TSNARE1: variants seen among roughly 807,000 people sequenced by gnomAD.
TSNARE1 encodes the protein t-SNARE domain-containing protein 1.
A neutral mutation model predicts 62.0 loss-of-function variants in TSNARE1; 49 were observed. That is an observed-to-expected ratio of 0.79 (90% CI 0.63 to 1.00). The LOEUF is 1.00. TSNARE1 is among the 50% of genes least tolerant of loss of function. The probability of loss-of-function intolerance (pLI) is 0.00; values close to 1 mark genes in which losing one functional copy is unlikely to be tolerated. For missense variants in TSNARE1, 755 were observed against 700.1 expected, an observed-to-expected ratio of 1.08 and a Z score of -0.88; for synonymous variants, 328 against 294.4, an observed-to-expected ratio of 1.11 and a Z score of -1.17.
Position 142,284,351 on chromosome 8 carries a change from C to G in TSNARE1, c.1363+62G>C, listed in dbSNP as rs1822318659. On this transcript the variant is annotated intron_variant, in intron 11 of 13. Transcript: ENST00000524325. ...CCACCCTTAGGTGAAGGGGTGAGGG[C>G]TGGGGGCTGGCAGGCAGGCCCTCGG... is the stretch of plus-strand genomic sequence containing the variant. 11 of 1,386,146 alleles carry G rather than the reference C, an allele frequency of 7.9e-6. No individual in the cohort carries two copies. The South Asian group carries it at 9.2e-5, about 12-fold the overall frequency. 85.9% of individuals were successfully genotyped at this position (1,386,146 alleles called of 1,614,324 possible). A position where few individuals can be genotyped will look rare whatever the true frequency, so the allele number is the denominator to read the frequency against.
At position 142,393,876 on chromosome 8, in the gene TSNARE1, G is replaced by T. The variant is rs1019487543; in HGVS notation, c.-40+9228C>A. Among the ~76,000 whole-genome samples the T allele has an allele frequency of 3.9e-5, 6 of 152,186 alleles. No individual in the cohort carries two copies. The South Asian group carries it at 1.0e-3, about 26-fold the overall frequency. ...GAGACTTCCAGTTCTCCTCCCTCGG[G>T]GAGTGTGGGGCACTTCCTGGCCTCT... On this transcript the variant is annotated intron_variant, in intron 1 of 13. Transcript: ENST00000524325.
intron 4 of TSNARE1, 149 bp from the exon 5 acceptor site, chr8:142,331,980 G>T: frequency 1.4e-6 from 1 of 722,490 alleles, no homozygotes; most frequent in South Asian, 1.6e-5. Flanking sequence ...TTGCGGCTTG[G>T]CCACCCTGGA....
chr8:142,241,732 T>G (rs1817674945), intron 12 of TSNARE1, among the ~76,000 whole-genome samples: 2 of 152,206 alleles, frequency 1.3e-5, no homozygotes, highest in South Asian at 4.1e-4. Context: ...TTGGCAAAGT[T>G]GTCACCAATA....
At chr8:142,263,759 AT>A (rs1290490685) in intron 12 of TSNARE1, among the ~76,000 whole-genome samples, 2 of 152,170 alleles carry the variant, frequency 1.3e-5, no homozygotes, top group Non-Finnish European at 2.9e-5. Flanking sequence ...GAGTTTCCCC[AT>A]GTGTTGGCAT....
Position 142,300,492 on chromosome 8 carries a change from C to G in TSNARE1, c.1284G>C (p.Gln428His). Residue 428 changes from glutamine to histidine, a missense_variant, in exon 10 of 14, where the codon CAG becomes CAC. Physicochemically the swap from Gln to His is conservative, Grantham distance 24. Coordinates refer to ENST00000524325, the MANE Select transcript of TSNARE1 (RefSeq NM_145003.5). ...AIRLREEAIL[Q>H]MESNLLDVNQ... ...TTGCCCACGCCAGCCTCACCTCCAT[C>G]TGCAGGATGGCCTCCTCCCGCAGCC... 6.2e-7 allele frequency: 1 copy of G among 1,603,052 alleles called. No homozygotes were observed. Among genetic ancestry groups the G allele is most frequent in the Non-Finnish European group, 8.5e-7 (1 of 1,178,282 alleles).
At chr8:142,216,965 C>A (rs558532950) in intron 13 of TSNARE1, among the ~76,000 whole-genome samples, 2 of 152,196 alleles carry the variant, frequency 1.3e-5, no homozygotes, top group Middle Eastern at 6.8e-3. Flanking sequence ...GCCTAAGGAC[C>A]GGGCGCGGTG....
intron 1 of TSNARE1, among the ~76,000 whole-genome samples, chr8:142,357,814 C>T (rs930562998): frequency 6.6e-6 from 1 of 152,166 alleles, no homozygotes; most frequent in Non-Finnish European, 1.5e-5. Flanking sequence ...AGAGAAGCCA[C>T]CACGGAGAGA....
chr8:142,322,350 C>T (rs538195225), intron 6 of TSNARE1, among the ~76,000 whole-genome samples: 2 of 152,154 alleles, frequency 1.3e-5, no homozygotes, highest in African/African-American at 2.4e-5. Flanking sequence ...AATGCTTCCC[C>T]GTAAGATGGG....
intron 1 of TSNARE1, among the ~76,000 whole-genome samples, chr8:142,396,879 C>T (rs1169387916): frequency 1.3e-5 from 2 of 152,212 alleles, no homozygotes; most frequent in African/African-American, 4.8e-5. Context: ...GACAGCCTGA[C>T]GCTCAGGTCT....
At chr8:142,349,958 C>CCAGGGCAGG (rs980738672) in intron 2 of TSNARE1, among the ~76,000 whole-genome samples, 1 of 145,770 alleles carries the variant, frequency 6.9e-6, no homozygotes, top group Non-Finnish European at 1.5e-5. Flanking sequence ...AGGGCTGGGA[C>CCAGGGCAGG]CAGGGCAGGC....
At chr8:142,311,290 GT>G (rs58755110) in intron 9 of TSNARE1, among the ~76,000 whole-genome samples, 12,357 of 57,488 alleles carry the variant, frequency 0.21, 674 homozygotes, top group South Asian at 0.27. Flanking sequence ...AGCCTCTCTA[GT>G]TTTTTTTTTT....
intron 6 of TSNARE1, among the ~76,000 whole-genome samples, chr8:142,320,038 A>G (rs1829243699): frequency 6.6e-6 from 1 of 152,028 alleles, no homozygotes; most frequent in African/African-American, 2.4e-5. Context: ...GCAGAAGCAG[A>G]GTGCCCCTCA....
chr8:142,222,591 C>T (rs1816400758), intron 13 of TSNARE1, among the ~76,000 whole-genome samples: 1 of 133,946 alleles, frequency 7.5e-6, no homozygotes, highest in Non-Finnish European at 1.6e-5. Context: ...CATTCACTCA[C>T]TCATTCATCC....
In TSNARE1 at chr8:142,345,797, C is replaced by T. The variant is rs780407686; in HGVS notation, c.184G>A (p.Glu62Lys). 4 of 1,613,954 alleles carry T rather than the reference C, an allele frequency of 2.5e-6. No individual in the cohort carries two copies. Among genetic ancestry groups the T allele is most frequent in the Non-Finnish European group, 1.7e-6 (2 of 1,179,904 alleles). Reference protein sequence around the residue: ...LQNRCVGKDGEGDLGPAGTPI... With the variant: ...LQNRCVGKDGKGDLGPAGTPI... The stretch of plus-strand genomic sequence containing the variant: ...GTGCCTGCTGGCCCCAGATCACCTT[C>T]CCCGTCCTTCCCCACACAGCGGTTC... Residue 62 changes from glutamate to lysine, a missense_variant, in exon 3 of 14, where the codon GAA becomes AAA. Coordinates refer to ENST00000524325, the MANE Select transcript of TSNARE1 (RefSeq NM_145003.5).
chr8:142,289,628 C>T (rs1224066401), intron 10 of TSNARE1, among the ~76,000 whole-genome samples: 1 of 152,168 alleles, frequency 6.6e-6, no homozygotes, highest in East Asian at 1.9e-4. Flanking sequence ...GCACTAGAGG[C>T]CCCAGATGCA....
At chr8:142,384,850 A>T (rs923014404) in intron 1 of TSNARE1, among the ~76,000 whole-genome samples, 13 of 152,242 alleles carry the variant, frequency 8.5e-5, no homozygotes, top group African/African-American at 2.9e-4. Flanking sequence ...ATCAAAATTA[A>T]AAACTTTTGT....
chr8:142,215,093 G>T (rs560476992), intron 13 of TSNARE1, among the ~76,000 whole-genome samples: 1 of 152,316 alleles, frequency 6.6e-6, no homozygotes, highest in Non-Finnish European at 1.5e-5. Flanking sequence ...GTCCATGGAG[G>T]TGTCCACAGA....
At chr8:142,289,508 G>A (rs1823391334) in intron 10 of TSNARE1, among the ~76,000 whole-genome samples, 1 of 152,150 alleles carries the variant, frequency 6.6e-6, no homozygotes, top group Non-Finnish European at 1.5e-5. Flanking sequence ...CAGGGCACAG[G>A]CAGCCCCAGA....
chr8:142,284,550 A>G, intron 10 of TSNARE1, 65 bp from the exon 11 acceptor site: 1 of 1,293,386 alleles, frequency 7.7e-7, no homozygotes, highest in Non-Finnish European at 1.0e-6. Context: ...GGGCACCTGA[A>G]AGTTTCCCAT....
Sources: gnomAD v4.1 joint callset for allele counts (sites outside exome capture counted in the v4.1 genomes callset) on GRCh38, gnomAD v4.1.1 for gene constraint, MANE v1.5 for transcripts, NCBI Gene and HGNC (gene_info 2026-07-23, HGNC 2026-07-21) for gene names.